Variants in KALRN observed in about 807,000 individuals in gnomAD.
KALRN encodes the protein kalirin RhoGEF kinase, also known as kalirin.
In KALRN, 70 loss-of-function variants were observed where a neutral mutation model predicts 353.7. The observed-to-expected ratio is 0.20, with a 90% CI of 0.16 to 0.24. The LOEUF (loss-of-function observed/expected upper bound fraction) is 0.24. Ranked by LOEUF, KALRN falls within the 10% of genes least tolerant of loss-of-function variation. The pLI, the probability that KALRN is intolerant of heterozygous loss-of-function variation, is 1.00. For synonymous variants in KALRN, 1,391 were observed against 1,434.8 expected, an observed-to-expected ratio of 0.97 and a Z score of 0.69; for missense variants, 2,791 against 3,756.7, an observed-to-expected ratio of 0.74 and a Z score of 6.72.
At chr3:124,453,356 C>A (rs2058983944) in intron 21 of KALRN, among the ~76,000 whole-genome samples, 1 of 152,214 alleles carries the variant, frequency 6.6e-6, no homozygotes, top group Non-Finnish European at 1.5e-5. Flanking sequence ...GCCGAGTGAG[C>A]TACTGGAGAG....
At chr3:124,594,019 G>A (rs1242855569) in intron 34 of KALRN, among the ~76,000 whole-genome samples, 1 of 151,942 alleles carries the variant, frequency 6.6e-6, no homozygotes, top group Non-Finnish European at 1.5e-5. Flanking sequence ...AAGTAACTAT[G>A]CTGACTACAG....
intron 9 of KALRN, among the ~76,000 whole-genome samples, chr3:124,338,677 G>GGA (rs2081375138): frequency 6.6e-6 from 1 of 152,134 alleles, no homozygotes; most frequent in South Asian, 2.1e-4. Context: ...CTGAGTTCAA[G>GGA]TCATGGATAT....
intron 6 of KALRN, among the ~76,000 whole-genome samples, chr3:124,318,437 C>G (rs2079016271): frequency 6.6e-6 from 1 of 152,182 alleles, no homozygotes; most frequent in Non-Finnish European, 1.5e-5. Context: ...CCAGATGTTA[C>G]TATCCCAGTG....
intron 34 of KALRN, among the ~76,000 whole-genome samples, chr3:124,625,396 C>T (rs2079828325): frequency 6.6e-6 from 1 of 152,106 alleles, no homozygotes; most frequent in African/African-American, 2.4e-5. Flanking sequence ...TTGACAGTTC[C>T]ACAACATCCA....
chr3:124,614,459 C>T (rs567487673), intron 34 of KALRN, among the ~76,000 whole-genome samples: 2 of 151,864 alleles, frequency 1.3e-5, no homozygotes, highest in South Asian at 4.2e-4. Flanking sequence ...AGAGTTTCGC[C>T]ATGTTGCCCA....
intron 51 of KALRN, among the ~76,000 whole-genome samples, chr3:124,691,424 G>A (rs866656667): frequency 1.1e-4 from 16 of 152,224 alleles, no homozygotes; most frequent in Middle Eastern, 3.4e-3. Context: ...GTGAAACTCC[G>A]TCTCAAAATA....
At chr3:124,072,354 C>T (rs7640139) in intron 1 of KALRN, among the ~76,000 whole-genome samples, 135,277 of 152,246 alleles carry the variant, frequency 0.89, 60,756 homozygotes, top group East Asian at 1. Context: ...CAACCAACAC[C>T]TGAAAGTGGT....
intron 1 of KALRN, among the ~76,000 whole-genome samples, chr3:124,119,384 T>C (rs766803294): frequency 6.6e-6 from 1 of 152,248 alleles, no homozygotes; most frequent in Non-Finnish European, 1.5e-5. Flanking sequence ...CAAGAAGATA[T>C]TAAAATAAAT....
At chr3:124,190,272 G>A (rs544480701) in intron 1 of KALRN, among the ~76,000 whole-genome samples, 107 of 152,278 alleles carry the variant, frequency 7.0e-4, no homozygotes, top group African/African-American at 2.5e-3. Flanking sequence ...GCCCCCCACT[G>A]CTCCCCTGAA....
intron 19 of KALRN, 24 bp from the exon 20 acceptor site, chr3:124,446,135 CCA>C: frequency 6.5e-7 from 1 of 1,527,264 alleles, no homozygotes; most frequent in Non-Finnish European, 9.1e-7. Context: ...CCCCTTGTGA[CCA>C]TCATGCATCT....
intron 20 of KALRN, 143 bp from the exon 21 acceptor site, chr3:124,446,620 A>C (rs1384975659): frequency 2.0e-6 from 2 of 1,017,448 alleles, no homozygotes; most frequent in African/African-American, 1.6e-5. Context: ...ATAAAAAAAA[A>C]CTCCAGAGCT....
chr3:124,625,805 G>A (rs1414263061), intron 34 of KALRN, among the ~76,000 whole-genome samples: 1 of 152,158 alleles, frequency 6.6e-6, no homozygotes, highest in South Asian at 2.1e-4. Flanking sequence ...ATGAGGCTGG[G>A]CACGGTGGCT....
In KALRN at chr3:124,563,011, C is replaced by G; in HGVS notation, c.5104C>G (p.Leu1702Val). The G allele has an allele frequency of 7.3e-7, 1 of 1,367,916 alleles. No homozygotes were observed. Among genetic ancestry groups the G allele is most frequent in the Non-Finnish European group, 9.8e-7 (1 of 1,022,000 alleles). The allele number at this position is 1,367,916 out of a possible 1,614,324, so 84.7% of individuals were successfully genotyped here. ...TTERSPPLEGLVPSSALCISH... is the reference protein window; with the variant it reads ...TTERSPPLEGVVPSSALCISH... Reference sequence around the variant, plus strand: ...CGAACGGAGCCCGCCCTTGGAGGGTCTGGTCCCCAGCAGCGCCCTGTGCAT... The same window carrying G: ...CGAACGGAGCCCGCCCTTGGAGGGTGTGGTCCCCAGCAGCGCCCTGTGCAT... Residue 1702 changes from leucine (L) to valine (V), a missense_variant, in exon 34 of 60, where the codon CTG becomes GTG. Physicochemically the swap from Leu to Val is conservative, Grantham distance 32. Coordinates refer to ENST00000682506, the MANE Select transcript of KALRN (RefSeq NM_001388419.1).
At chr3:124,673,669 A>G (rs1367918823) in intron 48 of KALRN, among the ~76,000 whole-genome samples, 3 of 152,008 alleles carry the variant, frequency 2.0e-5, no homozygotes, top group Non-Finnish European at 2.9e-5. Context: ...GGCTCTTACC[A>G]TGCTCTATGA....
chr3:124,112,010 C>G (rs934425119), intron 1 of KALRN, among the ~76,000 whole-genome samples: 28 of 127,010 alleles, frequency 2.2e-4, no homozygotes, highest in African/African-American at 6.5e-4. Flanking sequence ...AATATTAAGG[C>G]TTAAGAATCC....
At chr3:124,166,161 A>T (rs1017547782) in intron 1 of KALRN, among the ~76,000 whole-genome samples, 4 of 152,126 alleles carry the variant, frequency 2.6e-5, no homozygotes, top group African/African-American at 9.7e-5. Flanking sequence ...GTCACACCCC[A>T]TCCCACTACT....
intron 34 of KALRN, among the ~76,000 whole-genome samples, chr3:124,608,165 C>T (rs1360939583): frequency 6.6e-6 from 1 of 151,640 alleles, no homozygotes; most frequent in Non-Finnish European, 1.5e-5. Flanking sequence ...GTGTCGTCAC[C>T]GTGCCCGGCT....
At chr3:124,688,403 T>C (rs941692881) in intron 51 of KALRN, among the ~76,000 whole-genome samples, 1 of 152,176 alleles carries the variant, frequency 6.6e-6, no homozygotes, top group Non-Finnish European at 1.5e-5. Context: ...CACGAAGGGT[T>C]AAACCTTCAA....
chr3:124,155,088 C>T (rs2068778160), intron 1 of KALRN, among the ~76,000 whole-genome samples: 1 of 152,158 alleles, frequency 6.6e-6, no homozygotes, highest in South Asian at 2.1e-4. Context: ...CCCTTCCTTA[C>T]ACCTTATACA....
Sources: allele counts gnomAD v4.1 joint callset (sites outside exome capture counted in the v4.1 genomes callset), GRCh38; gene constraint gnomAD v4.1.1; transcripts MANE v1.5; gene names NCBI Gene and HGNC (gene_info 2026-07-23, HGNC 2026-07-21).